PTDSS2: variants seen among roughly 807,000 people sequenced by gnomAD.
PTDSS2 encodes phosphatidylserine synthase 2.
A neutral mutation model predicts 64.7 loss-of-function variants in PTDSS2; 41 were observed. The ratio of observed to expected loss-of-function variants is 0.63; its 90% CI spans 0.49 to 0.82. The LOEUF is 0.82. Ranked by LOEUF, PTDSS2 falls within the 40% of genes least tolerant of loss-of-function variation. PTDSS2 has a pLI of 0.00. For missense variants in PTDSS2, 485 were observed against 650.0 expected (o/e 0.75, Z 2.76); for synonymous variants, 297 against 277.8 (o/e 1.07, Z -0.69).
intron 4 of PTDSS2, among the ~76,000 whole-genome samples, chr11:484,623 G>T (rs2133827146): frequency 6.6e-6 from 1 of 151,830 alleles, no homozygotes; most frequent in East Asian, 1.9e-4. Flanking sequence ...GCAGGCATCT[G>T]TAAACAGTGC....
intron 1 of PTDSS2, among the ~76,000 whole-genome samples, chr11:458,210 C>CT (rs200105934): frequency 0.095 from 13,685 of 144,604 alleles, 846 homozygotes; most frequent in Admixed American, 0.18. Flanking sequence ...TATTTTTTTT[C>CT]TTTTTTTTTT....
chr11:452,322 CT>C (rs759015903), intron 1 of PTDSS2, among the ~76,000 whole-genome samples: 4 of 152,268 alleles, frequency 2.6e-5, no homozygotes, highest in Non-Finnish European at 5.9e-5. Context: ...AGGCATGGAA[CT>C]TCAGAAGGCT....
chr11:452,871 T>C (rs1280596236), intron 1 of PTDSS2, among the ~76,000 whole-genome samples: 1 of 152,146 alleles, frequency 6.6e-6, no homozygotes, highest in Non-Finnish European at 1.5e-5. Flanking sequence ...TTAGAGAGTT[T>C]TACTTTTTAT....
At chr11:481,900 T>G (rs1399083401) in intron 4 of PTDSS2, among the ~76,000 whole-genome samples, 1 of 151,634 alleles carries the variant, frequency 6.6e-6, no homozygotes, top group Non-Finnish European at 1.5e-5. Flanking sequence ...TGGAGTGCAG[T>G]GGTGTGATCT....
intron 2 of PTDSS2, among the ~76,000 whole-genome samples, chr11:466,392 A>G (rs76961370): frequency 0.054 from 8,016 of 149,698 alleles, 266 homozygotes; most frequent in Middle Eastern, 0.09. Context: ...CACAGGAAAA[A>G]CTGCCACTCT....
At chr11:455,330 C>T (rs548387887) in intron 1 of PTDSS2, among the ~76,000 whole-genome samples, 2 of 152,158 alleles carry the variant, frequency 1.3e-5, no homozygotes, top group African/African-American at 2.4e-5. Context: ...CGTGTGGTTC[C>T]AAGACAGGGT....
intron 2 of PTDSS2, among the ~76,000 whole-genome samples, chr11:471,785 G>A (rs1167352184): frequency 4.9e-5 from 7 of 142,284 alleles, no homozygotes; most frequent in South Asian, 2.3e-4. Flanking sequence ...CTGGGGTGAC[G>A]CAGATGGTGG....
intron 1 of PTDSS2, among the ~76,000 whole-genome samples, chr11:454,669 G>A (rs979362859): frequency 2.0e-5 from 3 of 152,172 alleles, no homozygotes; most frequent in Non-Finnish European, 2.9e-5. Flanking sequence ...GCTGGGTGTG[G>A]TGGCGGGCGC....
In PTDSS2 at chr11:450,468, G is replaced by A; in HGVS notation, c.13G>A (p.Glu5Lys). 4 of 1,230,554 alleles carry A rather than the reference G, an allele frequency of 3.3e-6. No individual in the cohort carries two copies. The highest frequency in any genetic ancestry group is 3.1e-6 in the Non-Finnish European group (3 of 983,302). The allele number at this position is 1,230,554 out of a possible 1,614,324, so 76.2% of individuals were successfully genotyped here. Reference sequence around the variant, plus strand: ...GGGCCGAAACGCCATGCGGAGGGGCGAGCGCAGGGACGCCGGAGGTCCGCG... The same window carrying A: ...GGGCCGAAACGCCATGCGGAGGGGCAAGCGCAGGGACGCCGGAGGTCCGCG... MRRGERRDAGGPRPE... is the reference protein window; with the variant it reads MRRGKRRDAGGPRPE... Residue 5 changes from glutamate to lysine, a missense_variant, in exon 1 of 12, where the codon GAG (glutamate) becomes AAG (lysine). Glu to Lys is a moderately conservative substitution (Grantham distance 56, BLOSUM62 1). Coordinates refer to ENST00000308020, the MANE Select transcript of PTDSS2 (RefSeq NM_030783.3).
Position 488,295 on chromosome 11 carries a change from G to A in PTDSS2, c.718G>A (p.Glu240Lys), listed in dbSNP as rs751740786. The A allele has an allele frequency of 3.7e-6, 6 of 1,612,618 alleles. No individual in the cohort carries two copies. The highest frequency in any genetic ancestry group is 1.3e-5 in the African/African-American group (1 of 74,920). ...SLEHQLPNFS[E>K]CWWDHWIMDV... ...GGAGCACCAGCTGCCCAACTTCAGC[G>A]AGTGCTGGTGGGATCACGTAGGTGC... is the stretch of plus-strand genomic sequence containing the variant. The change falls in exon 7 of 12, where the codon GAG becomes AAG. Residue 240 changes from glutamate to lysine, a missense_variant. Around this residue, in one of 3 missense-constraint regions of PTDSS2, gnomAD observed 251 missense variants for 348.0 expected, o/e 0.72. Transcript: ENST00000308020.
In PTDSS2 at chr11:470,155, A is replaced by G. The variant is rs1391574599; in HGVS notation, c.285-3740A>G. Among the ~76,000 whole-genome samples, 3 of 152,172 alleles carry G rather than the reference A, an allele frequency of 2.0e-5. No individual in the cohort carries two copies. The highest frequency in any genetic ancestry group is 1.3e-4 in the Admixed American group (2 of 15,282). On this transcript the variant is annotated intron_variant, in intron 2 of 11. Coordinates refer to ENST00000308020, the MANE Select transcript of PTDSS2 (RefSeq NM_030783.3). The surrounding 1 kb of genome is among the most constrained non-coding windows in gnomAD (Gnocchi z 5.3). ...CTGACCTCCTTCCTGGGCGTGCAGC[A>G]CGGAGAGGGCAGTGGGAGGAGGACG...
chr11:481,733 T>C (rs1323213555), intron 4 of PTDSS2, among the ~76,000 whole-genome samples: 1 of 152,228 alleles, frequency 6.6e-6, no homozygotes, highest in African/African-American at 2.4e-5. Context: ...CTCTAATAGT[T>C]GTGGTGTTTT....
chr11:450,084 C>G (rs1846245039), upstream of PTDSS2, among the ~76,000 whole-genome samples: 1 of 152,182 alleles, frequency 6.6e-6, no homozygotes, highest in African/African-American at 2.4e-5. Context: ...CCGGGGATGT[C>G]TGTGGTTACC....
In PTDSS2 at chr11:489,503, A is replaced by G; in HGVS notation, c.958A>G (p.Ile320Val). The G allele has an allele frequency of 1.2e-6, 2 of 1,613,064 alleles. No individual in the cohort carries two copies. Among genetic ancestry groups the G allele is most frequent in the Non-Finnish European group, 1.7e-6 (2 of 1,179,660 alleles). ...GCGTCGCTGGCTGGCCGTGTGCGGC[A>G]TCATCCTGGTGGTAAGGCCGGGCTG... ...SLRRWLAVCG[I>V]ILVFLLAELN... The change falls in exon 9 of 12, where the codon ATC (isoleucine) becomes GTC (valine). Residue 320 changes from isoleucine (I) to valine (V), a missense_variant. Physicochemically the swap from Ile to Val is conservative, Grantham distance 29. Coordinates refer to ENST00000308020, the MANE Select transcript of PTDSS2 (RefSeq NM_030783.3).
chr11:475,192 A>ATACGGACATTCACGCGTTTGTG (rs1847708726), intron 3 of PTDSS2, among the ~76,000 whole-genome samples: 2 of 54,214 alleles, frequency 3.7e-5, no homozygotes, highest in African/African-American at 2.0e-4. Context: ...TCACGCGTTT[A>ATACGGACATTCACGCGTTTGTG]TGATATGGAC....
chr11:489,554 G>T (rs1364758558), intron 9 of PTDSS2, 34 bp from the exon 10 acceptor site: 2 of 1,608,552 alleles, frequency 1.2e-6, no homozygotes, highest in Non-Finnish European at 1.7e-6. Flanking sequence ...GCGGGCGGGG[G>T]GCCAGAGCTG....
chr11:459,973 C>T, intron 1 of PTDSS2: 1 of 550,566 alleles, frequency 1.8e-6, no homozygotes, highest in East Asian at 3.0e-5. Flanking sequence ...CCTGTCCAGC[C>T]TCCTGGGGGC....
intron 4 of PTDSS2, among the ~76,000 whole-genome samples, chr11:480,957 G>A (rs933199397): frequency 4.6e-5 from 7 of 152,062 alleles, no homozygotes; most frequent in Non-Finnish European, 8.8e-5. Flanking sequence ...GGTCGCGGGC[G>A]CCTGTAGTCC....
rs138871962 is a variant in PTDSS2, at chr11:479,413, G to C, written c.435+261G>C. 2.8e-5 allele frequency: 16 copies of C among 565,884 alleles called. No individual in the cohort carries two copies. Among genetic ancestry groups the C allele is most frequent in the Admixed American group, 3.1e-5 (1 of 32,784 alleles). The allele number at this position is 565,884 out of a possible 1,614,324, so 35.1% of individuals were successfully genotyped here. A position where few individuals can be genotyped will look rare whatever the true frequency, so the allele number is the denominator to read the frequency against. ...CAGGAGCATCTGCTGGTGGGGCGCT[G>C]ACTGTGGCCATTTAGCAGGGCCACA... On this transcript the variant is annotated intron_variant, in intron 4 of 11. Transcript: ENST00000308020. This position sits in a 1 kb window ranked among gnomAD's most constrained non-coding sequence, Gnocchi z 4.2.
Sources: allele counts gnomAD v4.1 joint callset (sites outside exome capture counted in the v4.1 genomes callset), GRCh38; gene constraint gnomAD v4.1.1; regional missense constraint gnomAD v4.1.1; non-coding constraint Gnocchi (gnomAD v3.1); transcripts MANE v1.5; gene names NCBI Gene and HGNC (gene_info 2026-07-23, HGNC 2026-07-21).